The following ATG2B variants were observed in gnomAD, a reference collection of about 807,000 sequenced individuals.
ATG2B encodes the protein autophagy related 2B.
ATG2B carries 121 observed loss-of-function variants against 241.3 expected under a neutral mutation model. The observed-to-expected ratio is 0.50, with a 90% CI of 0.43 to 0.58. ATG2B has a LOEUF of 0.58. Ranked by LOEUF, ATG2B falls within the 20% of genes least tolerant of loss-of-function variation. The pLI, the probability that ATG2B is intolerant of heterozygous loss-of-function variation, is 0.00. For missense variants in ATG2B, 2,306 were observed against 2,491.6 expected (o/e 0.93, Z 1.59); for synonymous variants, 858 against 876.6 (o/e 0.98, Z 0.37).
Position 96,313,123 on chromosome 14 carries a change from C to A in ATG2B, c.3784G>T (p.Val1262Leu), listed in dbSNP as rs368600880. The A allele has an allele frequency of 1.2e-6, 2 of 1,613,370 alleles. No homozygotes were observed. Among genetic ancestry groups the A allele is most frequent in the South Asian group, 2.2e-5 (2 of 91,044 alleles). ...LYLPIRSLLT[V>L]ETFSVSSSVA... ...CTACTGGAAACACTGAATGTTTCCA[C>A]GGTAAGAAGAGATCGGATTGGCAAA... The change falls in exon 25 of 42, where the codon GTG becomes TTG. Residue 1262 changes from valine (V) to leucine (L), a missense_variant. Around this residue, in one of 2 missense-constraint regions of ATG2B, gnomAD observed 1,927 missense variants for 2,011.2 expected, o/e 0.96. Transcript: ENST00000359933.
At position 96,289,886 on chromosome 14, in the gene ATG2B, G is replaced by T; in HGVS notation, c.5857-81C>A. ...GGACCAGCAGAGCACTTCCTACAGGGAGTGAGGAAGAGCAGAGGAACTCAC... is the reference window on the plus strand; with the variant it reads ...GGACCAGCAGAGCACTTCCTACAGGTAGTGAGGAAGAGCAGAGGAACTCAC... On this transcript the variant is annotated intron_variant, in intron 40 of 41. Coordinates refer to ENST00000359933, the MANE Select transcript of ATG2B (RefSeq NM_018036.7). The surrounding 1 kb of genome is among the most constrained non-coding windows in gnomAD (Gnocchi z 4.3). The T allele has an allele frequency of 7.2e-7, 1 of 1,397,042 alleles. No individual in the cohort carries two copies. Among genetic ancestry groups the T allele is most frequent in the Non-Finnish European group, 9.9e-7 (1 of 1,008,626 alleles). The allele number at this position is 1,397,042 out of a possible 1,614,324, so 86.5% of individuals were successfully genotyped here.
chr14:96,303,282 G>A, intron 32 of ATG2B, 27 bp from the exon 33 acceptor site: 1 of 1,473,344 alleles, frequency 6.8e-7, no homozygotes, highest in South Asian at 1.4e-5. Flanking sequence ...GAAGAACGCG[G>A]AACAGTTCTT....
intron 18 of ATG2B, 72 bp downstream of exon 18, chr14:96,322,040 G>T: frequency 1.7e-6 from 2 of 1,144,766 alleles, no homozygotes; most frequent in Non-Finnish European, 1.2e-6. Flanking sequence ...AAAGGAAAGG[G>T]GGAAGAGGAA....
chr14:96,348,031 C>T (rs916877117), intron 1 of ATG2B, among the ~76,000 whole-genome samples: 2 of 152,214 alleles, frequency 1.3e-5, no homozygotes, highest in African/African-American at 2.4e-5. Context: ...GATATCCACG[C>T]TCCCATGTTT....
intron 28 of ATG2B, 112 bp downstream of exon 28, chr14:96,311,005 G>T: frequency 2.0e-6 from 2 of 982,296 alleles, no homozygotes; most frequent in African/African-American, 1.6e-5. Flanking sequence ...GTAAAGAACA[G>T]ATGAATGACT....
rs745458347 is a variant in ATG2B at position 96,295,276 on chromosome 14, C to T, written c.5219-109G>A. Reference sequence around the variant, plus strand: ...TTCTACATTTTATTTAATCAAAATACGATTCTTGTTACAGAGAAAATTTGC... The same window carrying T: ...TTCTACATTTTATTTAATCAAAATATGATTCTTGTTACAGAGAAAATTTGC... On this transcript the variant is annotated intron_variant, in intron 35 of 41. Transcript: ENST00000359933. 612 of 1,096,844 alleles carry T rather than the reference C, an allele frequency of 5.6e-4. 1 individual carries two copies. Among genetic ancestry groups the T allele is most frequent in the Middle Eastern group, 3.1e-3 (14 of 4,486 alleles). The allele number at this position is 1,096,844 out of a possible 1,614,324, so 67.9% of individuals were successfully genotyped here.
intron 1 of ATG2B, among the ~76,000 whole-genome samples, chr14:96,350,882 G>A (rs2139903953): frequency 6.6e-6 from 1 of 152,250 alleles, no homozygotes. Flanking sequence ...AGACAGTGGT[G>A]GCATCATGCT....
At chr14:96,345,508 GT>G in intron 2 of ATG2B, 123 bp from the exon 3 acceptor site, 1 of 617,972 alleles carries the variant, frequency 1.6e-6, no homozygotes, top group Non-Finnish European at 2.5e-6. Context: ...ACATCATGAT[GT>G]TACCCAGGTA....
intron 7 of ATG2B, 36 bp downstream of exon 7, chr14:96,334,369 A>G: frequency 7.2e-7 from 1 of 1,383,468 alleles, no homozygotes; most frequent in Non-Finnish European, 9.9e-7. Flanking sequence ...AATTTAAAAA[A>G]GTAACAAGTA....
At chr14:96,325,628 T>C in intron 15 of ATG2B, 21 bp downstream of exon 15, 3 of 1,595,232 alleles carry the variant, frequency 1.9e-6, no homozygotes, top group Non-Finnish European at 2.6e-6. Flanking sequence ...ATGGTTCTTT[T>C]ACAGGCACAT....
intron 30 of ATG2B, 102 bp from the exon 31 acceptor site, chr14:96,305,917 A>G (rs1886933734): frequency 1.2e-6 from 1 of 833,048 alleles, no homozygotes; most frequent in South Asian, 1.8e-5. Flanking sequence ...ATTCTTTTTA[A>G]TAATTCCAGT....
chr14:96,303,105 G>A lies in ATG2B; in HGVS notation c.4993C>T (p.Leu1665=), dbSNP rs889637435. 3.1e-6 allele frequency: 5 copies of A among 1,610,540 alleles called. No homozygotes were observed. The African/African-American group carries it at 6.7e-5, about 22-fold the overall frequency. ...ATSQMNKFLY[L]YCSKEMPRKA... is the part of the protein sequence containing the mutation. ...CGAGGCATTTCTTTACTGCAATACA[G>A]GTATAAAAATTTATTCATTTGTGAT... The change falls in exon 33 of 42, where the codon CTG becomes TTG. Residue 1665 remains leucine, a synonymous_variant. Transcript: ENST00000359933.
At chr14:96,303,522 T>C (rs1886852847) in intron 32 of ATG2B, among the ~76,000 whole-genome samples, 2 of 152,202 alleles carry the variant, frequency 1.3e-5, no homozygotes, top group Admixed American at 1.3e-4. Flanking sequence ...TATTTCAGTA[T>C]TTTGAAACCA....
At position 96,314,741 on chromosome 14, in the gene ATG2B, G is replaced by C. The variant is rs185905921; in HGVS notation, c.3642+413C>G. Reference sequence around the variant, plus strand: ...TTTGAGACAGAGCTTCGCTCTTGTCGCCAGACTGGAGTGCAGTGGCACGAT... The same window carrying C: ...TTTGAGACAGAGCTTCGCTCTTGTCCCCAGACTGGAGTGCAGTGGCACGAT... On this transcript the variant is annotated intron_variant, in intron 23 of 41. Transcript: ENST00000359933. Among the ~76,000 whole-genome samples the C allele has an allele frequency of 3.9e-3, 588 of 152,240 alleles. 6 individuals carry two copies. The highest frequency in any genetic ancestry group is 0.013 in the African/African-American group (543 of 41,536).
chr14:96,292,833 T>C (rs1886524507), intron 36 of ATG2B: 1 of 152,260 alleles, frequency 6.6e-6, no homozygotes, highest in South Asian at 2.1e-4. Flanking sequence ...AGGGCCTTTA[T>C]GGATACCAAA....
Position 96,316,687 on chromosome 14 carries a change from G to C in ATG2B, c.3211-4C>G. On this transcript the variant is annotated splice_polypyrimidine_tract_variant and splice_region_variant and intron_variant, in intron 20 of 41. Coordinates refer to ENST00000359933, the MANE Select transcript of ATG2B (RefSeq NM_018036.7). ...CCAACAGATCTCCATTATCTTGCTA[G>C]TAAAAAGATCAGAAAAACACAGAAG... is the stretch of plus-strand genomic sequence containing the variant. 6.2e-7 allele frequency: 1 copy of C among 1,600,172 alleles called. No homozygotes were observed. The highest frequency in any genetic ancestry group is 8.5e-7 in the Non-Finnish European group (1 of 1,175,248).
intron 29 of ATG2B, among the ~76,000 whole-genome samples, chr14:96,308,504 T>C (rs973869222): frequency 4.1e-5 from 6 of 146,916 alleles, no homozygotes; most frequent in African/African-American, 1.5e-4. Context: ...GGTTTCACCA[T>C]GTTGCCGAGG....
chr14:96,337,841 T>C (rs757649068), intron 6 of ATG2B, among the ~76,000 whole-genome samples: 14 of 152,166 alleles, frequency 9.2e-5, no homozygotes, highest in African/African-American at 4.8e-5. Context: ...GGGAATTGCA[T>C]TGAATATGTG....
chr14:96,355,696 T>C (rs1055115338), intron 1 of ATG2B, among the ~76,000 whole-genome samples: 4 of 152,156 alleles, frequency 2.6e-5, no homozygotes, highest in Non-Finnish European at 5.9e-5. Flanking sequence ...ACCTACCTAG[T>C]ACAATGATGA....
Sources: gnomAD v4.1 joint callset for allele counts (sites outside exome capture counted in the v4.1 genomes callset) on GRCh38, gnomAD v4.1.1 for gene constraint, gnomAD v4.1.1 regional missense constraint, Gnocchi (gnomAD v3.1) non-coding constraint, MANE v1.5 for transcripts, NCBI Gene and HGNC (gene_info 2026-07-23, HGNC 2026-07-21) for gene names.